Variants in DPYD observed in about 807,000 individuals in gnomAD.
DPYD encodes dihydropyrimidine dehydrogenase [NADP(+)].
In DPYD, 109 loss-of-function variants were observed where a neutral mutation model predicts 116.2. The observed-to-expected ratio is 0.94, with a 90% CI of 0.80 to 1.10. DPYD has a LOEUF of 1.10. DPYD is among the 50% of genes least tolerant of loss of function. DPYD has a pLI of 0.00. For missense variants in DPYD, 1,302 were observed against 1,254.5 expected (o/e 1.04, Z -0.57); for synonymous variants, 440 against 432.0 (o/e 1.02, Z -0.23).
chr1:97,595,760 T>C (rs953938580), intron 8 of DPYD, among the ~76,000 whole-genome samples: 5 of 151,788 alleles, frequency 3.3e-5, no homozygotes, highest in Non-Finnish European at 5.9e-5. Context: ...AAGGAACATA[T>C]TAGCTTTTCA....
chr1:97,283,968 G>A (rs1240702970), intron 18 of DPYD, among the ~76,000 whole-genome samples: 1 of 152,050 alleles, frequency 6.6e-6, no homozygotes. Context: ...GCCTAACTCA[G>A]AGCCTGGTAC....
chr1:97,491,651 G>C (rs1678982504), intron 13 of DPYD, among the ~76,000 whole-genome samples: 1 of 151,912 alleles, frequency 6.6e-6, no homozygotes. Context: ...AATTCTCTGG[G>C]CCTCAGTTTT....
At chr1:97,079,667 T>C (rs998521177) in intron 22 of DPYD, among the ~76,000 whole-genome samples, 1 of 152,160 alleles carries the variant, frequency 6.6e-6, no homozygotes, top group Admixed American at 6.6e-5. Flanking sequence ...CAGTCAGCTT[T>C]GAGTTTTGAA....
At chr1:97,793,542 C>T (rs1185301350) in intron 3 of DPYD, among the ~76,000 whole-genome samples, 2 of 151,942 alleles carry the variant, frequency 1.3e-5, no homozygotes, top group Non-Finnish European at 2.9e-5. Context: ...CAGAAAGAGA[C>T]CCACAAATAT....
rs182638020 is a variant in DPYD, at chr1:97,720,810, T to C, written c.483+700A>G. On this transcript the variant is annotated intron_variant, in intron 5 of 22. Transcript: ENST00000370192. ...TCATATAAGCTGATCATTTAAATGATACATGGGAATTAACCTGCTTGTTGA... is the reference window on the plus strand; with the variant it reads ...TCATATAAGCTGATCATTTAAATGACACATGGGAATTAACCTGCTTGTTGA... 1,191 of 1,572,886 alleles carry C rather than the reference T, an allele frequency of 7.6e-4. 11 individuals are homozygous for C. The African/African-American group carries it at 0.015, about 19-fold the overall frequency.
intron 19 of DPYD, among the ~76,000 whole-genome samples, chr1:97,214,613 G>T (rs1660251554): frequency 6.6e-6 from 1 of 152,150 alleles, no homozygotes; most frequent in Non-Finnish European, 1.5e-5. Flanking sequence ...AGAAGGACTG[G>T]GTAGTGGACT....
At chr1:97,195,060 CAG>C (rs1287187300) in intron 19 of DPYD, among the ~76,000 whole-genome samples, 2 of 152,034 alleles carry the variant, frequency 1.3e-5, no homozygotes, top group Non-Finnish European at 2.9e-5. Flanking sequence ...ATGTAGACTC[CAG>C]AGAGTCATTT....
intron 3 of DPYD, among the ~76,000 whole-genome samples, chr1:97,815,043 G>C (rs558202917): frequency 6.7e-6 from 1 of 150,232 alleles, no homozygotes; most frequent in African/African-American, 2.4e-5. Context: ...AGGAAGGAGA[G>C]AGAGAGAAAG....
intron 5 of DPYD, among the ~76,000 whole-genome samples, chr1:97,708,510 T>C (rs761244441): frequency 3.2e-4 from 49 of 152,096 alleles, no homozygotes; most frequent in Admixed American, 2.3e-3. Flanking sequence ...TGATCTATTG[T>C]CTATTATTTT....
At chr1:97,687,513 C>T (rs967599001) in intron 7 of DPYD, among the ~76,000 whole-genome samples, 3 of 152,076 alleles carry the variant, frequency 2.0e-5, no homozygotes, top group African/African-American at 7.2e-5. Context: ...AATATAAATG[C>T]TTTTACACTG....
In DPYD at chr1:97,116,994, C is replaced by CAA. The variant is rs397784957; in HGVS notation, c.2623-18364_2623-18363dup. Among the ~76,000 whole-genome samples the CAA allele has an allele frequency of 3.5e-3, 370 of 107,136 alleles. 4 individuals carry two copies. Among genetic ancestry groups the CAA allele is most frequent in the East Asian group, 6.2e-3 (26 of 4,196 alleles). 70.3% of individuals were successfully genotyped at this position (107,136 alleles called of 152,430 possible). ...CGAAACCCCATGTCTACTAAAAATACAAAAAAAAAAAAAAAAAAAATTAGC... is the reference window on the plus strand; with the variant it reads ...CGAAACCCCATGTCTACTAAAAATACAAAAAAAAAAAAAAAAAAAAAATTAGC... On this transcript the variant is annotated intron_variant, in intron 20 of 22. Transcript: ENST00000370192.
At chr1:97,281,157 T>C (rs1334616932) in intron 18 of DPYD, among the ~76,000 whole-genome samples, 1 of 151,142 alleles carries the variant, frequency 6.6e-6, no homozygotes, top group Non-Finnish European at 1.5e-5. Context: ...AAAATTCAAA[T>C]AGGAGAAACA....
In DPYD at chr1:97,096,311, G is replaced by T. The variant is rs560953653; in HGVS notation, c.2766+2178C>A. On this transcript the variant is annotated intron_variant, in intron 21 of 22. Transcript: ENST00000370192. ...ATATACAATCTCTGAAAGATTTGAG[G>T]GCTAGAAAAGGTAAAAATGCTTTCA... Among the ~76,000 whole-genome samples, 94 of 151,948 alleles carry T rather than the reference G, an allele frequency of 6.2e-4. No homozygotes were observed. In the South Asian group the frequency reaches 0.014, roughly 22 times the overall value.
At chr1:97,321,772 G>C (rs1283059677) in intron 16 of DPYD, among the ~76,000 whole-genome samples, 2 of 45,100 alleles carry the variant, frequency 4.4e-5, no homozygotes, top group Non-Finnish European at 1.1e-4. Flanking sequence ...CTGCTATAAA[G>C]ACACATGCAC....
intron 3 of DPYD, among the ~76,000 whole-genome samples, chr1:97,800,403 C>T (rs1667788646): frequency 6.6e-6 from 1 of 151,854 alleles, no homozygotes. Flanking sequence ...ATGAAAATAT[C>T]CATGTCCACG....
intron 19 of DPYD, among the ~76,000 whole-genome samples, chr1:97,203,676 A>ACCCC: frequency 6.1e-5 from 1 of 16,396 alleles, no homozygotes; most frequent in African/African-American, 2.8e-4. Flanking sequence ...CCCCCCCCCA[A>ACCCC]AAAAAAAAAA....
intron 18 of DPYD, among the ~76,000 whole-genome samples, chr1:97,277,095 T>C (rs955243550): frequency 6.6e-6 from 1 of 152,074 alleles, no homozygotes; most frequent in African/African-American, 2.4e-5. Flanking sequence ...CCTAAGTGAA[T>C]TAACGCAGGA....
chr1:97,551,792 C>T (rs993101184), intron 11 of DPYD, among the ~76,000 whole-genome samples: 1 of 151,978 alleles, frequency 6.6e-6, no homozygotes, highest in African/African-American at 2.4e-5. Flanking sequence ...AGGATTCAAT[C>T]AACTGTGCAT....
At chr1:97,618,698 T>C (rs889308481) in intron 8 of DPYD, among the ~76,000 whole-genome samples, 1 of 152,154 alleles carries the variant, frequency 6.6e-6, no homozygotes, top group Non-Finnish European at 1.5e-5. Context: ...AATTTGAATT[T>C]AGGTAGATGA....
Sources: gnomAD v4.1 joint callset for allele counts (sites outside exome capture counted in the v4.1 genomes callset) on GRCh38, gnomAD v4.1.1 for gene constraint, MANE v1.5 for transcripts, NCBI Gene and HGNC (gene_info 2026-07-23, HGNC 2026-07-21) for gene names.